Variants in KSR2 observed in about 807,000 individuals in gnomAD.
KSR2 encodes kinase suppressor of ras 2.
Under a neutral mutation model 107.8 loss-of-function variants are expected in KSR2, and 25 were observed. The observed-to-expected ratio is 0.23, with a 90% confidence interval of 0.17 to 0.32. The LOEUF (loss-of-function observed/expected upper bound fraction) is 0.32, where lower values mean the gene tolerates loss of function less well. Among genes scored for constraint, KSR2 ranks in the 10% least tolerant of loss-of-function variants. The pLI is 1.00. For synonymous variants in KSR2, 480 were observed against 507.0 expected (o/e 0.95, Z 0.71); for missense variants, 887 against 1,268.9 (o/e 0.70, Z 4.57).
At chr12:117,966,903 T>G (rs933659616) in intron 1 of KSR2, among the ~76,000 whole-genome samples, 2 of 152,086 alleles carry the variant, frequency 1.3e-5, no homozygotes, top group Admixed American at 1.3e-4. Flanking sequence ...AAGATGAACG[T>G]CTCAGTACTG....
At position 117,582,309 on chromosome 12, in the gene KSR2, C is replaced by T. The variant is rs867732609; in HGVS notation, c.1222G>A (p.Gly408Ser). Reference protein sequence around the residue: ...WSPQIPRRDLGNSIKHRFSTK... With the variant: ...WSPQIPRRDLSNSIKHRFSTK... ...GCCTACCTGTGCTTGATGGAGTTGC[C>T]GAGATCTCTGCGAGGGATCTGCGGG... Residue 408 changes from glycine (G) to serine (S), a missense_variant, in exon 6 of 20, where the codon GGC becomes AGC. Physicochemically the swap from Gly to Ser is moderately conservative, Grantham distance 56. Around this residue, in one of 8 missense-constraint regions of KSR2, gnomAD observed 399 missense variants for 479.5 expected, o/e 0.83. Transcript: ENST00000339824. 22 of 1,613,716 alleles carry T rather than the reference C, an allele frequency of 1.4e-5. No homozygotes were observed. In the African/African-American group the frequency reaches 2.4e-4, roughly 18 times the overall value.
chr12:117,722,658 A>G (rs1887261527), intron 4 of KSR2, among the ~76,000 whole-genome samples: 1 of 152,236 alleles, frequency 6.6e-6, no homozygotes, highest in Non-Finnish European at 1.5e-5. Context: ...GCATGTAATC[A>G]AGAAATAACC....
chr12:117,772,155 C>A (rs1254473884), intron 3 of KSR2, among the ~76,000 whole-genome samples: 1 of 149,978 alleles, frequency 6.7e-6, no homozygotes, highest in South Asian at 2.1e-4. Context: ...ACCATTCCCC[C>A]AAAGACGCAC....
At chr12:117,505,658 T>C (rs79239760) in intron 14 of KSR2, among the ~76,000 whole-genome samples, 132 of 152,284 alleles carry the variant, frequency 8.7e-4, no homozygotes, top group African/African-American at 3.1e-3. Flanking sequence ...CAATTACTCA[T>C]CCAGGAGAGT....
intron 4 of KSR2, among the ~76,000 whole-genome samples, chr12:117,681,746 C>T (rs755040058): frequency 9.9e-5 from 15 of 152,226 alleles, no homozygotes; most frequent in African/African-American, 1.2e-4. Context: ...CAGTTTTCTG[C>T]GTATGGCTAG....
chr12:117,660,411 C>T (rs1246089119), intron 5 of KSR2, among the ~76,000 whole-genome samples: 1 of 152,174 alleles, frequency 6.6e-6, no homozygotes, highest in Admixed American at 6.5e-5. Context: ...GTGGCTCTGG[C>T]AATCCTTGGT....
At chr12:117,574,874 AC>A (rs1879172743) in intron 7 of KSR2, among the ~76,000 whole-genome samples, 1 of 145,706 alleles carries the variant, frequency 6.9e-6, no homozygotes, top group Admixed American at 7.0e-5. Context: ...CAGTAACAGA[AC>A]TGGATTTGCT....
Position 117,780,759 on chromosome 12 carries a change from CA to C in KSR2, c.473-19236del, listed in dbSNP as rs1241454641. Among the ~76,000 whole-genome samples, 4 of 152,042 alleles carry C rather than the reference CA, an allele frequency of 2.6e-5. No homozygotes were observed. The South Asian group carries it at 8.3e-4, about 32-fold the overall frequency. ...ATTTTTTAATGTTTTTAAATGTAAC[CA>C]CTAGGAAATTTTAAATTACATACAT... On this transcript the variant is annotated intron_variant, in intron 3 of 19. Coordinates refer to ENST00000339824, the MANE Select transcript of KSR2 (RefSeq NM_173598.6).
At chr12:117,856,209 A>G (rs377502380) in intron 2 of KSR2, among the ~76,000 whole-genome samples, 19 of 152,216 alleles carry the variant, frequency 1.2e-4, no homozygotes, top group African/African-American at 3.6e-4. Flanking sequence ...ACACTGGAGT[A>G]TAGCGTGGAG....
chr12:117,848,091 T>A lies in KSR2; in HGVS notation c.472+7337A>T, dbSNP rs115432378. Among the ~76,000 whole-genome samples, 878 of 152,322 alleles carry A rather than the reference T, an allele frequency of 5.8e-3. 10 individuals are homozygous for A. Among genetic ancestry groups the A allele is most frequent in the African/African-American group, 0.02 (829 of 41,560 alleles). On this transcript the variant is annotated intron_variant, in intron 3 of 19. Transcript: ENST00000339824. ...AATATCCACAACACAGATCTTCTAT[T>A]ATCTTGACCAGAGGTTTTTCCTTGG...
intron 4 of KSR2, among the ~76,000 whole-genome samples, chr12:117,721,443 T>C (rs1315968362): frequency 6.6e-6 from 1 of 152,220 alleles, no homozygotes; most frequent in African/African-American, 2.4e-5. Context: ...TAATTGGCTA[T>C]CAAGTGGGAT....
intron 3 of KSR2, among the ~76,000 whole-genome samples, chr12:117,789,064 G>C (rs1170186313): frequency 6.6e-6 from 1 of 152,216 alleles, no homozygotes; most frequent in Non-Finnish European, 1.5e-5. Flanking sequence ...TGCTGTTGCT[G>C]CTGGTCCAGT....
At chr12:117,912,160 A>G (rs1895035487) in intron 1 of KSR2, among the ~76,000 whole-genome samples, 1 of 152,268 alleles carries the variant, frequency 6.6e-6, no homozygotes, top group African/African-American at 2.4e-5. Flanking sequence ...GTGATAAACG[A>G]AAGTCCTGGA....
In KSR2 at chr12:117,530,922, A is replaced by T. The variant is rs1875578334; in HGVS notation, c.1802+19T>A. 1 of 1,610,474 alleles carries T rather than the reference A, an allele frequency of 6.2e-7. No individual in the cohort carries two copies. Among genetic ancestry groups the T allele is most frequent in the African/African-American group, 1.3e-5 (1 of 74,874 alleles). On this transcript the variant is annotated intron_variant, in intron 12 of 19. Transcript: ENST00000339824. ...CTGGGAAGCTTGGGAAAGGGGGAAG[A>T]TGTCTCTGTCTCACTTACATTGGAT...
intron 13 of KSR2, among the ~76,000 whole-genome samples, chr12:117,525,425 C>A (rs1875064891): frequency 6.6e-6 from 1 of 152,174 alleles, no homozygotes; most frequent in Admixed American, 6.5e-5. Context: ...AAAGGGAGAT[C>A]ATGATCATCC....
chr12:117,470,674 A>G lies in KSR2; in HGVS notation c.2712+517T>C, dbSNP rs186144905. On this transcript the variant is annotated intron_variant, in intron 18 of 19. Transcript: ENST00000339824. ...ACCTAGGTGCAGGTAATCTTTAGAAACATACCACATCATTACTCCTTCTCT... is the reference window on the plus strand; with the variant it reads ...ACCTAGGTGCAGGTAATCTTTAGAAGCATACCACATCATTACTCCTTCTCT... Among the ~76,000 whole-genome samples, 27 of 152,332 alleles carry G rather than the reference A, an allele frequency of 1.8e-4. 1 individual carries two copies. In the East Asian group the frequency reaches 5.0e-3, roughly 28 times the overall value.
intron 4 of KSR2, among the ~76,000 whole-genome samples, chr12:117,735,776 C>T (rs1887914462): frequency 1.3e-5 from 2 of 152,234 alleles, no homozygotes; most frequent in East Asian, 1.9e-4. Flanking sequence ...TTAAGAAATA[C>T]GCTTAACGGC....
intron 14 of KSR2, among the ~76,000 whole-genome samples, chr12:117,497,744 T>C (rs1407803299): frequency 6.6e-6 from 1 of 152,208 alleles, no homozygotes; most frequent in East Asian, 1.9e-4. Context: ...GCTTTGGAAC[T>C]CACAGTGCTT....
chr12:117,832,500 C>A (rs796672397), intron 3 of KSR2, among the ~76,000 whole-genome samples: 19 of 152,306 alleles, frequency 1.2e-4, no homozygotes, highest in African/African-American at 4.3e-4. Flanking sequence ...GAGCTGCAAG[C>A]TTTTATCTGC....
Sources: gnomAD v4.1 joint callset for allele counts (sites outside exome capture counted in the v4.1 genomes callset) on GRCh38, gnomAD v4.1.1 for gene constraint, gnomAD v4.1.1 regional missense constraint, MANE v1.5 for transcripts, NCBI Gene and HGNC (gene_info 2026-07-23, HGNC 2026-07-21) for gene names.